CWF19L2: variants seen among roughly 807,000 people sequenced by gnomAD.
CWF19L2 encodes the protein CWF19-like protein 2.
In CWF19L2, 98 loss-of-function variants were observed where a neutral mutation model predicts 111.7. The ratio of observed to expected loss-of-function variants is 0.88; its 90% CI spans 0.75 to 1.04. The LOEUF is 1.04. CWF19L2 is among the 50% of genes least tolerant of loss of function. The pLI is 0.00. For synonymous variants in CWF19L2, 351 were observed against 342.9 expected, an observed-to-expected ratio of 1.02 and a Z score of -0.26; for missense variants, 1,101 against 1,051.4, an observed-to-expected ratio of 1.05 and a Z score of -0.65.
intron 10 of CWF19L2, among the ~76,000 whole-genome samples, chr11:107,408,665 ACTT>A (rs1376868968): frequency 6.6e-6 from 1 of 152,022 alleles, no homozygotes; most frequent in Non-Finnish European, 1.5e-5. Context: ...AATGACAGAT[ACTT>A]TAAGGAGGGT....
chr11:107,416,564 A>G (rs1457585563), intron 9 of CWF19L2, among the ~76,000 whole-genome samples: 1 of 152,228 alleles, frequency 6.6e-6, no homozygotes, highest in Non-Finnish European at 1.5e-5. Flanking sequence ...AAGGAAATAC[A>G]TAACCTTAAT....
At chr11:107,358,374 G>A (rs183153418) in intron 12 of CWF19L2, among the ~76,000 whole-genome samples, 29 of 150,880 alleles carry the variant, frequency 1.9e-4, no homozygotes, top group East Asian at 1.4e-3. Flanking sequence ...CAAAAAGCTC[G>A]TAATATTTGA....
chr11:107,335,373 C>T (rs1859907003), intron 15 of CWF19L2, among the ~76,000 whole-genome samples: 1 of 152,006 alleles, frequency 6.6e-6, no homozygotes, highest in South Asian at 2.1e-4. Context: ...TTTCTAGCAA[C>T]CAAGGTCTTG....
chr11:107,332,090 A>C (rs1859857673), intron 16 of CWF19L2, among the ~76,000 whole-genome samples: 2 of 152,218 alleles, frequency 1.3e-5, no homozygotes, highest in African/African-American at 4.8e-5. Flanking sequence ...GTTACTCCTG[A>C]CTTCTTATAA....
chr11:107,347,850 C>A (rs1258168323), intron 14 of CWF19L2, among the ~76,000 whole-genome samples: 1 of 152,040 alleles, frequency 6.6e-6, no homozygotes. Context: ...ACATTGTATT[C>A]CTATAATTAC....
In CWF19L2 at chr11:107,403,057, G is replaced by A. The variant is rs997839476; in HGVS notation, c.1618-10162C>T. On this transcript the variant is annotated intron_variant, in intron 10 of 17. Transcript: ENST00000282251. ...GATATGTAGGAGCTAAGCTGTGAGA[G>A]GATGCAAAGGGATAAGAATGATACA... Among the ~76,000 whole-genome samples, 6 of 151,334 alleles carry A rather than the reference G, an allele frequency of 4.0e-5. No homozygotes were observed. In the South Asian group the frequency reaches 1.2e-3, roughly 31 times the overall value.
intron 10 of CWF19L2, among the ~76,000 whole-genome samples, chr11:107,395,990 C>A (rs931891687): frequency 2.0e-5 from 3 of 152,108 alleles, no homozygotes; most frequent in Non-Finnish European, 4.4e-5. Flanking sequence ...CAAAACTAAC[C>A]CACTTTCCCC....
chr11:107,341,542 T>A (rs1412362651), intron 14 of CWF19L2, among the ~76,000 whole-genome samples: 1 of 152,166 alleles, frequency 6.6e-6, no homozygotes, highest in Non-Finnish European at 1.5e-5. Context: ...TATTGAGTTG[T>A]AGCTATTTTA....
chr11:107,415,428 T>C (rs1861211980), intron 10 of CWF19L2, among the ~76,000 whole-genome samples: 1 of 152,246 alleles, frequency 6.6e-6, no homozygotes, highest in Non-Finnish European at 1.5e-5. Context: ...TTGCTTATCA[T>C]TTTTATAATT....
chr11:107,427,390 T>C (rs904741427), intron 8 of CWF19L2, among the ~76,000 whole-genome samples: 3 of 152,088 alleles, frequency 2.0e-5, no homozygotes, highest in East Asian at 1.9e-4. Flanking sequence ...CACACATATA[T>C]AGCTTTTAGT....
intron 12 of CWF19L2, among the ~76,000 whole-genome samples, chr11:107,380,756 G>C (rs1860673549): frequency 6.6e-6 from 1 of 152,092 alleles, no homozygotes; most frequent in East Asian, 1.9e-4. Flanking sequence ...TGAAAGCAGA[G>C]ACTTGCACAC....
intron 10 of CWF19L2, among the ~76,000 whole-genome samples, chr11:107,400,696 C>T (rs559486152): frequency 4.6e-5 from 7 of 152,072 alleles, no homozygotes; most frequent in South Asian, 4.1e-4. Context: ...AAAGAAGGAA[C>T]CCTCCCTAAT....
chr11:107,327,224 T>G (rs1222365591), intron 17 of CWF19L2, among the ~76,000 whole-genome samples, 171 bp from the exon 18 acceptor site: 1 of 152,232 alleles, frequency 6.6e-6, no homozygotes, highest in African/African-American at 2.4e-5. Context: ...TAATTCTAAC[T>G]AGGCAAACCG....
chr11:107,360,971 T>C (rs1350457337), intron 12 of CWF19L2, among the ~76,000 whole-genome samples: 3 of 152,212 alleles, frequency 2.0e-5, no homozygotes, highest in Non-Finnish European at 4.4e-5. Flanking sequence ...AACTGTCATT[T>C]GTCTTTGTTT....
chr11:107,429,054 G>C lies in CWF19L2; in HGVS notation c.1178C>G (p.Ser393Ter). ...GRKFEPLSSS[S>*]ALVAQGSLCS... ...CAAAGAGCCCTGAGCTACCAATGCT[G>C]AAGATGAACTAAGTGGTTCAAATTT... Residue 393 changes from serine to a stop codon, truncating the protein, a stop_gained, in exon 8 of 18, where the codon TCA (serine) becomes TGA (stop). Transcript: ENST00000282251. LOFTEE classifies it high-confidence loss of function. 1 of 1,613,824 alleles carries C rather than the reference G, an allele frequency of 6.2e-7. No individual in the cohort carries two copies. Among genetic ancestry groups the C allele is most frequent in the Non-Finnish European group, 8.5e-7 (1 of 1,179,822 alleles).
Position 107,408,151 on chromosome 11 carries a change from CT to C in CWF19L2, c.1617+8057del, listed in dbSNP as rs1236815457. 1.3e-5 allele frequency among the ~76,000 whole-genome samples: 2 copies of C among 151,948 alleles called. 1 individual carries two copies. Among genetic ancestry groups the C allele is most frequent in the Non-Finnish European group, 2.9e-5 (2 of 67,892 alleles). On this transcript the variant is annotated intron_variant, in intron 10 of 17. Coordinates refer to ENST00000282251, the MANE Select transcript of CWF19L2 (RefSeq NM_152434.3). ...TGTTCAATACCTCCATATTTCTATA[CT>C]TTTCCTTTGAAGGACCGTCAAAGGA...
At chr11:107,391,594 T>C (rs1049909681) in intron 11 of CWF19L2, among the ~76,000 whole-genome samples, 4 of 152,202 alleles carry the variant, frequency 2.6e-5, no homozygotes, top group Non-Finnish European at 5.9e-5. Context: ...CAGTCCCAGA[T>C]TTTCCTATCA....
intron 12 of CWF19L2, among the ~76,000 whole-genome samples, chr11:107,383,877 A>G (rs192398661): frequency 1.2e-4 from 18 of 152,320 alleles, no homozygotes; most frequent in African/African-American, 4.1e-4. Flanking sequence ...CTGTGCCCCC[A>G]GTTTAAATTG....
At chr11:107,378,939 A>C (rs938848959) in intron 12 of CWF19L2, among the ~76,000 whole-genome samples, 1 of 152,216 alleles carries the variant, frequency 6.6e-6, no homozygotes, top group African/African-American at 2.4e-5. Context: ...GACAGACTGG[A>C]TGTGGAGAAC....
Sources: gnomAD v4.1 joint callset for allele counts (sites outside exome capture counted in the v4.1 genomes callset) on GRCh38, gnomAD v4.1.1 for gene constraint, MANE v1.5 for transcripts, NCBI Gene and HGNC (gene_info 2026-07-23, HGNC 2026-07-21) for gene names.